PLLP: variants seen among roughly 807,000 people sequenced by gnomAD.
The protein encoded by PLLP is plasmolipin.
Under a neutral mutation model 19.7 loss-of-function variants are expected in PLLP, and 15 were observed. That is an observed-to-expected ratio of 0.76 (90% CI 0.51 to 1.17). The LOEUF is 1.17. Ranked by LOEUF, PLLP falls within the 50% of genes most tolerant of loss-of-function variation. PLLP has a pLI of 0.00. For missense variants in PLLP, 255 were observed against 258.3 expected, an observed-to-expected ratio of 0.99 and a Z score of 0.09; for synonymous variants, 111 against 116.3, an observed-to-expected ratio of 0.95 and a Z score of 0.29.
intron 2 of PLLP, among the ~76,000 whole-genome samples, chr16:57,260,590 C>T (rs779983277): frequency 4.6e-5 from 7 of 152,202 alleles, no homozygotes; most frequent in African/African-American, 1.4e-4. Flanking sequence ...CAAACAATGC[C>T]GCCTAGTCCC....
intron 1 of PLLP, among the ~76,000 whole-genome samples, chr16:57,272,305 G>A (rs1016291986): frequency 1.3e-5 from 2 of 152,164 alleles, no homozygotes; most frequent in Non-Finnish European, 2.9e-5. Flanking sequence ...ACATTCCCCT[G>A]GAGACTACTT....
In PLLP at chr16:57,284,436, G is replaced by A. The variant is rs1426340016; in HGVS notation, c.105C>T (p.Ser35=). ...GCAGCAGCATGAGCGCCCCGAGGCG[G>A]GAGCGCACGAAGCCCAGGTCCGGGC... ...ALRPDLGFVR[S]RLGALMLLQL... The change falls in exon 1 of 4, where the codon TCC becomes TCT. Residue 35 remains serine, a synonymous_variant. Transcript: ENST00000219207. 7 of 1,406,098 alleles carry A rather than the reference G, an allele frequency of 5.0e-6. No individual in the cohort carries two copies. Among genetic ancestry groups the A allele is most frequent in the Non-Finnish European group, 6.5e-6 (7 of 1,077,404 alleles). 87.1% of individuals were successfully genotyped at this position (1,406,098 alleles called of 1,614,324 possible).
intron 1 of PLLP, among the ~76,000 whole-genome samples, chr16:57,277,626 G>C (rs941670603): frequency 1.3e-5 from 2 of 152,038 alleles, no homozygotes; most frequent in African/African-American, 4.8e-5. Context: ...AAAGAAATTA[G>C]GTAATAAAGG....
In PLLP at chr16:57,256,288, G is replaced by C; in HGVS notation, c.*625C>G. 1 of 380,828 alleles carries C rather than the reference G, an allele frequency of 2.6e-6. No homozygotes were observed. The allele number at this position is 380,828 out of a possible 1,614,324, so 23.6% of individuals were successfully genotyped here. On this transcript the variant is annotated 3_prime_UTR_variant, in exon 4 of 4. Coordinates refer to ENST00000219207, the MANE Select transcript of PLLP (RefSeq NM_015993.3). ...CAGAGAGAGGCTTGGGAAAGGGAAGGAAACCTGGACAGGCTTTTCAGCACT... is the reference window on the plus strand; with the variant it reads ...CAGAGAGAGGCTTGGGAAAGGGAAGCAAACCTGGACAGGCTTTTCAGCACT...
intron 1 of PLLP, among the ~76,000 whole-genome samples, chr16:57,263,912 T>A (rs888612966): frequency 6.6e-6 from 1 of 152,180 alleles, no homozygotes; most frequent in East Asian, 1.9e-4. Flanking sequence ...GCACCAAGGC[T>A]GCGTAGTGAC....
Position 57,281,517 on chromosome 16 carries a change from C to CTTTTTTTTTTTTTTTTT in PLLP, c.135+2888_135+2889insAAAAAAAAAAAAAAAAA, listed in dbSNP as rs771314004. Among the ~76,000 whole-genome samples, 12 of 130,148 alleles carry CTTTTTTTTTTTTTTTTT rather than the reference C, an allele frequency of 9.2e-5. 1 individual carries two copies. Among genetic ancestry groups the CTTTTTTTTTTTTTTTTT allele is most frequent in the African/African-American group, 1.9e-4 (6 of 32,316 alleles). The allele number at this position is 130,148 out of a possible 152,430, so 85.4% of individuals were successfully genotyped here. A position where few individuals can be genotyped will look rare whatever the true frequency, so the allele number is the denominator to read the frequency against. Reference sequence around the variant, plus strand: ...CAACAAGCAGATTTTTTTTTTATTTCTTTTTTTTTTTGAGACGGAGTCTCT... The same window carrying CTTTTTTTTTTTTTTTTT: ...CAACAAGCAGATTTTTTTTTTATTTCTTTTTTTTTTTTTTTTTTTTTTTTTTTTGAGACGGAGTCTCT... On this transcript the variant is annotated intron_variant, in intron 1 of 3. Transcript: ENST00000219207.
intron 1 of PLLP, among the ~76,000 whole-genome samples, chr16:57,266,502 GT>G (rs2075457789): frequency 6.6e-6 from 1 of 152,152 alleles, no homozygotes; most frequent in South Asian, 2.1e-4. Flanking sequence ...ATCTCTCTGG[GT>G]TAATATATTT....
In PLLP at chr16:57,271,211, TGAGCC is replaced by T. The variant is rs1307274660; in HGVS notation, c.136-9146_136-9142del. 8.0e-5 allele frequency among the ~76,000 whole-genome samples: 12 copies of T among 150,804 alleles called. No individual in the cohort carries two copies. In the East Asian group the frequency reaches 1.4e-3, roughly 17 times the overall value. On this transcript the variant is annotated intron_variant, in intron 1 of 3. Coordinates refer to ENST00000219207, the MANE Select transcript of PLLP (RefSeq NM_015993.3). ...AGCACACCTACCCCAGTGGCTGAGC[TGAGCC>T]GCCCCTGGACCCCCAGCAAGGTCCT...
chr16:57,271,007 C>G (rs1421193165), intron 1 of PLLP, among the ~76,000 whole-genome samples: 1 of 152,136 alleles, frequency 6.6e-6, no homozygotes, highest in Non-Finnish European at 1.5e-5. Flanking sequence ...CAGGCCACAG[C>G]CACCCCACCC....
intron 1 of PLLP, among the ~76,000 whole-genome samples, chr16:57,264,623 T>C (rs1269491274): frequency 5.3e-5 from 8 of 152,132 alleles, no homozygotes; most frequent in African/African-American, 2.4e-5. Flanking sequence ...GGTGGGAGGA[T>C]TGCCTGAGCC....
At chr16:57,272,913 C>T (rs1279204801) in intron 1 of PLLP, among the ~76,000 whole-genome samples, 6 of 151,052 alleles carry the variant, frequency 4.0e-5, no homozygotes, top group Non-Finnish European at 8.8e-5. Context: ...GCCATGATCA[C>T]ACTACTGCAC....
intron 1 of PLLP, among the ~76,000 whole-genome samples, chr16:57,271,372 G>A (rs897516514): frequency 1.3e-5 from 2 of 151,900 alleles, no homozygotes; most frequent in East Asian, 1.9e-4. Context: ...ACCCGGGCAC[G>A]ATGGCTCACA....
At chr16:57,273,259 C>CAAA (rs113609632) in intron 1 of PLLP, among the ~76,000 whole-genome samples, 1 of 142,752 alleles carries the variant, frequency 7.0e-6, no homozygotes, top group African/African-American at 2.6e-5. Context: ...GACTCCATCT[C>CAAA]AAAAAAAAAA....
Position 57,256,846 on chromosome 16 carries a change from G to C in PLLP, c.*67C>G. ...CGCAGGGCTCCCCAGCTTCAGGCTT[G>C]CAGGGTGACCCTGCTCTGTGACCCA... On this transcript the variant is annotated 3_prime_UTR_variant, in exon 4 of 4. Transcript: ENST00000219207. The C allele has an allele frequency of 9.3e-7, 1 of 1,077,256 alleles. No homozygotes were observed. Among genetic ancestry groups the C allele is most frequent in the South Asian group, 1.3e-5 (1 of 78,036 alleles). The allele number at this position is 1,077,256 out of a possible 1,614,324, so 66.7% of individuals were successfully genotyped here. A position where few individuals can be genotyped will look rare whatever the true frequency, so the allele number is the denominator to read the frequency against.
intron 2 of PLLP, among the ~76,000 whole-genome samples, chr16:57,259,975 T>TAA (rs574093513): frequency 3.8e-4 from 43 of 112,380 alleles, no homozygotes; most frequent in African/African-American, 4.9e-4. Flanking sequence ...GGACTTTGTC[T>TAA]AAAAAAAAAA....
intron 1 of PLLP, among the ~76,000 whole-genome samples, chr16:57,275,022 A>G (rs1567532280): frequency 1.3e-5 from 2 of 150,826 alleles, no homozygotes; most frequent in Admixed American, 6.6e-5. Context: ...CGGCCTCCCA[A>G]AGTGCTGGGT....
chr16:57,268,985 C>T (rs968223956), intron 1 of PLLP, among the ~76,000 whole-genome samples: 2 of 152,192 alleles, frequency 1.3e-5, no homozygotes, highest in African/African-American at 4.8e-5. Flanking sequence ...TAAGGACCCA[C>T]GTCAGTGCCA....
In PLLP at chr16:57,258,514, T is replaced by C; in HGVS notation, c.380A>G (p.Asp127Gly). The C allele has an allele frequency of 6.2e-7, 1 of 1,613,026 alleles. No individual in the cohort carries two copies. The highest frequency in any genetic ancestry group is 8.5e-7 in the Non-Finnish European group (1 of 1,179,906). ...TAFIACSAAV[D>G]LTSLRGTRPY... Reference sequence around the variant, plus strand: ...CCGGGTGCCCCTCAGGGATGTCAGGTCAACTGCCGCAGAGCAGGCGATGAA... The same window carrying C: ...CCGGGTGCCCCTCAGGGATGTCAGGCCAACTGCCGCAGAGCAGGCGATGAA... The change falls in exon 3 of 4, where the codon GAC (aspartate) becomes GGC (glycine). Residue 127 changes from aspartate to glycine, a missense_variant. Physicochemically the swap from Asp to Gly is moderately conservative, Grantham distance 94 (BLOSUM62 -1). Transcript: ENST00000219207.
intron 1 of PLLP, among the ~76,000 whole-genome samples, chr16:57,274,049 G>A (rs574058861): frequency 4.0e-5 from 6 of 151,830 alleles, no homozygotes; most frequent in East Asian, 1.9e-4. Context: ...CTGTAGTGGC[G>A]TGATGACAGC....
Sources: gnomAD v4.1 joint callset for allele counts (sites outside exome capture counted in the v4.1 genomes callset) on GRCh38, gnomAD v4.1.1 for gene constraint, MANE v1.5 for transcripts, NCBI Gene and HGNC (gene_info 2026-07-23, HGNC 2026-07-21) for gene names.